THSD7B: variants seen among roughly 807,000 people sequenced by gnomAD.
THSD7B encodes the protein thrombospondin type 1 domain containing 7B, also known as thrombospondin type-1 domain-containing protein 7B.
THSD7B carries 138 observed loss-of-function variants against 213.6 expected under a neutral mutation model. The observed-to-expected ratio is 0.65, with a 90% CI of 0.56 to 0.74. The LOEUF (loss-of-function observed/expected upper bound fraction) is 0.74, where lower values mean the gene tolerates loss of function less well. Among genes scored for constraint, THSD7B ranks in the 30% least tolerant of loss-of-function variants. The probability of loss-of-function intolerance (pLI) is 0.00; values close to 1 mark genes in which losing one functional copy is unlikely to be tolerated. For missense variants in THSD7B, 1,931 were observed against 1,991.5 expected (o/e 0.97, Z 0.58); for synonymous variants, 742 against 687.0 (o/e 1.08, Z -1.25).
At chr2:136,860,016 A>ATTTTTTTTTTTTT (rs3084113) in intron 1 of THSD7B, among the ~76,000 whole-genome samples, 1 of 120,508 alleles carries the variant, frequency 8.3e-6, no homozygotes, top group Non-Finnish European at 1.6e-5. Context: ...ACAATTCATG[A>ATTTTTTTTTTTTT]TTTTTTTTTT....
At chr2:136,885,080 G>A (rs929991121) in intron 2 of THSD7B, among the ~76,000 whole-genome samples, 1 of 151,992 alleles carries the variant, frequency 6.6e-6, no homozygotes, top group Non-Finnish European at 1.5e-5. Flanking sequence ...GTATTTTTAG[G>A]GTATGTTATC....
At chr2:137,025,651 A>T (rs1334948520) in intron 2 of THSD7B, among the ~76,000 whole-genome samples, 4 of 152,140 alleles carry the variant, frequency 2.6e-5, no homozygotes, top group Admixed American at 2.6e-4. Context: ...TAGAGTCTGA[A>T]GTCAACAGAA....
intron 2 of THSD7B, among the ~76,000 whole-genome samples, chr2:136,941,804 C>G (rs1382674616): frequency 6.6e-6 from 1 of 152,108 alleles, no homozygotes; most frequent in African/African-American, 2.4e-5. Flanking sequence ...ATTGCCTGTT[C>G]ACTCTGATGG....
In THSD7B at chr2:137,273,727, G is replaced by A. The variant is rs905502405; in HGVS notation, c.2396+1065G>A. ...TGTTTTTATCTGATGACCAATTTTG[G>A]GAGGATGTAAATAAACACTGGGAAC... On this transcript the variant is annotated intron_variant, in intron 11 of 27. Coordinates refer to ENST00000409968, the MANE Select transcript of THSD7B (RefSeq NM_001316349.2). Among the ~76,000 whole-genome samples, 5 of 151,808 alleles carry A rather than the reference G, an allele frequency of 3.3e-5. No homozygotes were observed. The South Asian group carries it at 1.0e-3, about 32-fold the overall frequency.
At chr2:136,941,931 T>G (rs1383197257) in intron 2 of THSD7B, among the ~76,000 whole-genome samples, 1 of 152,214 alleles carries the variant, frequency 6.6e-6, no homozygotes, top group Admixed American at 6.5e-5. Flanking sequence ...CATGCCTGTG[T>G]CCTGAAAGGT....
At chr2:137,604,541 G>T (rs1021725578) in intron 17 of THSD7B, among the ~76,000 whole-genome samples, 3 of 152,100 alleles carry the variant, frequency 2.0e-5, no homozygotes, top group African/African-American at 7.2e-5. Context: ...TATCCTAGAA[G>T]TCCTCTTTTG....
chr2:137,640,187 T>G (rs550718563), intron 20 of THSD7B, among the ~76,000 whole-genome samples: 1 of 152,226 alleles, frequency 6.6e-6, no homozygotes, highest in African/African-American at 2.4e-5. Context: ...GGCCAGTCTT[T>G]CCCGTGCTAT....
chr2:137,584,707 G>A (rs567893274), intron 17 of THSD7B, among the ~76,000 whole-genome samples: 99 of 152,258 alleles, frequency 6.5e-4, no homozygotes, highest in African/African-American at 2.3e-3. Context: ...TGGTGGATAA[G>A]GTTTTTGATG....
chr2:137,389,647 A>C (rs1332441235), intron 12 of THSD7B, among the ~76,000 whole-genome samples: 1 of 150,198 alleles, frequency 6.7e-6, no homozygotes, highest in Non-Finnish European at 1.5e-5. Context: ...CTTTGCCTAG[A>C]CCAATGTCCA....
At chr2:137,227,776 A>G (rs1681543521) in intron 7 of THSD7B, among the ~76,000 whole-genome samples, 2 of 152,126 alleles carry the variant, frequency 1.3e-5, no homozygotes, top group Admixed American at 1.3e-4. Flanking sequence ...GAAACTGTTA[A>G]TTGTCATTTG....
At chr2:136,799,457 C>T (rs1270779133) in intron 1 of THSD7B, among the ~76,000 whole-genome samples, 1 of 151,994 alleles carries the variant, frequency 6.6e-6, no homozygotes, top group Non-Finnish European at 1.5e-5. Flanking sequence ...AATCCATCTT[C>T]ACCATCAAAT....
intron 12 of THSD7B, among the ~76,000 whole-genome samples, chr2:137,337,579 A>G (rs1597937): frequency 0.12 from 18,409 of 152,068 alleles, 1,252 homozygotes; most frequent in South Asian, 0.25. Context: ...GTGTGAGGTT[A>G]CTTTGAGACT....
chr2:137,257,218 A>G (rs1354139009), intron 10 of THSD7B, among the ~76,000 whole-genome samples: 1 of 152,210 alleles, frequency 6.6e-6, no homozygotes, highest in African/African-American at 2.4e-5. Flanking sequence ...AGCAGTAGGT[A>G]AGCATATGAA....
Position 137,677,229 on chromosome 2 carries a change from A to C in THSD7B, c.*624A>C, listed in dbSNP as rs1683723867. 6.6e-6 allele frequency: 1 copy of C among 152,644 alleles called. No individual in the cohort carries two copies. The highest frequency in any genetic ancestry group is 1.5e-5 in the Non-Finnish European group (1 of 68,060). The allele number at this position is 152,644 out of a possible 1,614,324, so 9.5% of individuals were successfully genotyped here. On this transcript the variant is annotated 3_prime_UTR_variant, in exon 28 of 28. Transcript: ENST00000409968. ...GCTTCATGGGTTGCAGCTACTGAAA[A>C]TAGCAGCGTGTGTGTAATTGCTGGA... is the stretch of plus-strand genomic sequence containing the variant.
At chr2:137,252,824 C>T (rs998806855) in intron 10 of THSD7B, among the ~76,000 whole-genome samples, 3 of 151,532 alleles carry the variant, frequency 2.0e-5, no homozygotes, top group Admixed American at 6.6e-5. Context: ...CAGAACCTGG[C>T]TCATCCCTCT....
chr2:137,157,770 C>T (rs1007790701), intron 5 of THSD7B, among the ~76,000 whole-genome samples: 1 of 152,146 alleles, frequency 6.6e-6, no homozygotes, highest in African/African-American at 2.4e-5. Flanking sequence ...ATAATAACAA[C>T]ATATATCTCA....
chr2:136,888,959 G>A (rs1683769328), intron 2 of THSD7B, among the ~76,000 whole-genome samples: 1 of 151,914 alleles, frequency 6.6e-6, no homozygotes, highest in Non-Finnish European at 1.5e-5. Context: ...GTGTGTGTGT[G>A]TGTGTGTGTG....
chr2:136,895,937 A>C (rs981866577), intron 2 of THSD7B, among the ~76,000 whole-genome samples: 1 of 152,196 alleles, frequency 6.6e-6, no homozygotes, highest in African/African-American at 2.4e-5. Flanking sequence ...AGCATCTATC[A>C]CTATTTCATT....
chr2:137,445,285 A>G (rs908182991), intron 14 of THSD7B, among the ~76,000 whole-genome samples: 18 of 152,154 alleles, frequency 1.2e-4, no homozygotes, highest in Middle Eastern at 3.4e-3. Flanking sequence ...GGGAATCAAT[A>G]TATCAAAGTA....
Sources: allele counts gnomAD v4.1 joint callset (sites outside exome capture counted in the v4.1 genomes callset), GRCh38; gene constraint gnomAD v4.1.1; transcripts MANE v1.5; gene names NCBI Gene and HGNC (gene_info 2026-07-23, HGNC 2026-07-21).